RELN: variants seen among roughly 807,000 people sequenced by gnomAD.
The protein encoded by RELN is reelin.
Under a neutral mutation model 427.6 loss-of-function variants are expected in RELN, and 108 were observed. The observed-to-expected ratio is 0.25, with a 90% CI of 0.22 to 0.30. The LOEUF is 0.30. RELN is among the 10% of genes least tolerant of loss of function. RELN has a pLI of 1.00. For synonymous variants in RELN, 1,524 were observed against 1,513.4 expected, an observed-to-expected ratio of 1.01 and a Z score of -0.16; for missense variants, 3,715 against 4,302.8, an observed-to-expected ratio of 0.86 and a Z score of 3.82.
intron 19 of RELN, among the ~76,000 whole-genome samples, chr7:103,634,659 A>C (rs113846543): frequency 6.6e-6 from 1 of 152,106 alleles, no homozygotes; most frequent in Non-Finnish European, 1.5e-5. Flanking sequence ...CAGGCTAAAA[A>C]ATTTCCTTGT....
chr7:103,537,418 C>A (rs944782866), intron 45 of RELN, among the ~76,000 whole-genome samples: 3 of 152,192 alleles, frequency 2.0e-5, no homozygotes, highest in Non-Finnish European at 4.4e-5. Context: ...CTCTCTTGTT[C>A]ATGACCTTAC....
In RELN at chr7:103,563,118, T is replaced by C. The variant is rs1830676016; in HGVS notation, c.5211-1165A>G. Among the ~76,000 whole-genome samples the C allele has an allele frequency of 6.6e-6, 1 of 152,170 alleles. No individual in the cohort carries two copies. Among genetic ancestry groups the C allele is most frequent in the African/African-American group, 2.4e-5 (1 of 41,434 alleles). On this transcript the variant is annotated intron_variant, in intron 34 of 64. Transcript: ENST00000428762. This position sits in a 1 kb window ranked among gnomAD's most constrained non-coding sequence, Gnocchi z 4.1. The stretch of plus-strand genomic sequence containing the variant: ...TCCAGTTCTCCCCAAATGAGTTAGG[T>C]AGTACCCTCCTGTGTTTCAATAATA...
chr7:103,937,180 G>C (rs1020920916), intron 1 of RELN, among the ~76,000 whole-genome samples: 1 of 152,124 alleles, frequency 6.6e-6, no homozygotes, highest in Middle Eastern at 3.2e-3. Flanking sequence ...AAGTGGGCAC[G>C]CAATAGATAT....
chr7:103,497,817 T>C lies in RELN; in HGVS notation c.8950+3A>G. The stretch of plus-strand genomic sequence containing the variant: ...AGGGGTGGTTTTCACCCCTGACACA[T>C]GCCTCCATCGGTAGAGTAGTCCAAC... On this transcript the variant is annotated splice_donor_region_variant and intron_variant, in intron 55 of 64. Coordinates refer to ENST00000428762, the MANE Select transcript of RELN (RefSeq NM_005045.4). 2 of 1,613,556 alleles carry C rather than the reference T, an allele frequency of 1.2e-6. No individual in the cohort carries two copies. Among genetic ancestry groups the C allele is most frequent in the Middle Eastern group, 3.3e-4 (2 of 6,056 alleles).
At chr7:103,773,617 G>A (rs994866633) in intron 4 of RELN, among the ~76,000 whole-genome samples, 2 of 151,682 alleles carry the variant, frequency 1.3e-5, no homozygotes, top group South Asian at 2.1e-4. Flanking sequence ...TTACAAGCCC[G>A]CACCACCACG....
At chr7:103,926,627 GTTTTTTT>G (rs60259062) in intron 1 of RELN, among the ~76,000 whole-genome samples, 3 of 99,462 alleles carry the variant, frequency 3.0e-5, no homozygotes, top group African/African-American at 7.1e-5. Context: ...AGTATCATAA[GTTTTTTT>G]TTTTTTTTTT....
intron 10 of RELN, among the ~76,000 whole-genome samples, chr7:103,689,473 G>C (rs1833829571): frequency 6.6e-6 from 1 of 151,890 alleles, no homozygotes; most frequent in African/African-American, 2.4e-5. Flanking sequence ...AGTGAGCAAA[G>C]CACTTTTTCT....
chr7:103,891,009 G>C (rs567197600), intron 2 of RELN, among the ~76,000 whole-genome samples: 1 of 152,204 alleles, frequency 6.6e-6, no homozygotes, highest in African/African-American at 2.4e-5. Context: ...TTGAATCTGG[G>C]AGGCAGAGGT....
chr7:103,551,042 G>T, intron 41 of RELN, 25 bp downstream of exon 41: 1 of 1,574,300 alleles, frequency 6.4e-7, no homozygotes, highest in Non-Finnish European at 8.7e-7. Context: ...AGAAACAAAT[G>T]TGGCGTCAAG....
intron 20 of RELN, among the ~76,000 whole-genome samples, chr7:103,619,382 G>A (rs1832163858): frequency 6.6e-6 from 1 of 152,154 alleles, no homozygotes; most frequent in Non-Finnish European, 1.5e-5. Context: ...GCCACAGAGA[G>A]CAGCTCCTCC....
chr7:103,559,425 C>T (rs183431589), intron 36 of RELN, among the ~76,000 whole-genome samples: 4 of 152,286 alleles, frequency 2.6e-5, no homozygotes, highest in Admixed American at 6.5e-5. Context: ...CATGTAAAAG[C>T]CTTATATTTC....
At chr7:103,728,614 A>G (rs1790273140) in intron 6 of RELN, among the ~76,000 whole-genome samples, 2 of 152,228 alleles carry the variant, frequency 1.3e-5, no homozygotes, top group Non-Finnish European at 2.9e-5. Flanking sequence ...TATAATATAT[A>G]CATGCCCAAT....
At chr7:103,771,752 C>T (rs1292148605) in intron 4 of RELN, among the ~76,000 whole-genome samples, 1 of 116,186 alleles carries the variant, frequency 8.6e-6, no homozygotes, top group Non-Finnish European at 1.7e-5. Flanking sequence ...AACATATCCC[C>T]TTCTTTCTGG....
intron 64 of RELN, among the ~76,000 whole-genome samples, chr7:103,474,952 A>G (rs1827982185): frequency 6.6e-6 from 1 of 152,198 alleles, no homozygotes; most frequent in Non-Finnish European, 1.5e-5. Flanking sequence ...ACTTTTCCTC[A>G]AACACTGGCT....
Position 103,835,954 on chromosome 7 carries a change from CTTTTTT to C in RELN, c.338-2288_338-2283del, listed in dbSNP as rs10569884. ...TCTCTTTACAAAACTCTCAATTACC[CTTTTTT>C]TTTTTTTTTTTTATAGGCGGAGTCT... is the stretch of plus-strand genomic sequence containing the variant. On this transcript the variant is annotated intron_variant, in intron 2 of 64. Transcript: ENST00000428762. 3.3e-3 allele frequency among the ~76,000 whole-genome samples: 474 copies of C among 142,432 alleles called. 1 individual carries two copies. The highest frequency in any genetic ancestry group is 0.011 in the African/African-American group (439 of 38,564). The allele number at this position is 142,432 out of a possible 152,430, so 93.4% of individuals were successfully genotyped here.
intron 9 of RELN, among the ~76,000 whole-genome samples, chr7:103,698,618 T>G (rs1320277034): frequency 6.6e-6 from 1 of 152,150 alleles, no homozygotes; most frequent in Non-Finnish European, 1.5e-5. Context: ...GCTCAAGTGA[T>G]CCTCACTCCT....
At chr7:103,512,597 T>A (rs1040707817) in intron 50 of RELN, among the ~76,000 whole-genome samples, 6 of 152,216 alleles carry the variant, frequency 3.9e-5, no homozygotes, top group African/African-American at 1.4e-4. Flanking sequence ...GTACATCTTG[T>A]GTGTTGATCC....
chr7:103,848,988 C>T (rs1793748749), intron 2 of RELN, among the ~76,000 whole-genome samples: 2 of 152,176 alleles, frequency 1.3e-5, no homozygotes, highest in South Asian at 2.1e-4. Flanking sequence ...TCCCCATACC[C>T]TACCTGGGAC....
At chr7:103,697,453 T>C (rs745744659) in intron 10 of RELN, among the ~76,000 whole-genome samples, 1 of 152,102 alleles carries the variant, frequency 6.6e-6, no homozygotes, top group Non-Finnish European at 1.5e-5. Context: ...GGTACTGTTA[T>C]ACTGTAGTTT....
Sources: allele counts gnomAD v4.1 joint callset (sites outside exome capture counted in the v4.1 genomes callset), GRCh38; gene constraint gnomAD v4.1.1; non-coding constraint Gnocchi (gnomAD v3.1); transcripts MANE v1.5; gene names NCBI Gene and HGNC (gene_info 2026-07-23, HGNC 2026-07-21).